Variants in ZBTB17 observed in about 807,000 individuals in gnomAD.
The protein encoded by ZBTB17 is zinc finger and BTB domain-containing protein 17.
A neutral mutation model predicts 85.1 loss-of-function variants in ZBTB17; 24 were observed. The observed-to-expected ratio is 0.28, with a 90% CI of 0.20 to 0.40. The LOEUF (loss-of-function observed/expected upper bound fraction) is 0.40, where lower values mean the gene tolerates loss of function less well. Among genes scored for constraint, ZBTB17 ranks in the 10% least tolerant of loss-of-function variants. The pLI, the probability that ZBTB17 is intolerant of heterozygous loss-of-function variation, is 1.00. For missense variants in ZBTB17, 743 were observed against 1,105.1 expected, an observed-to-expected ratio of 0.67 and a Z score of 4.65; for synonymous variants, 464 against 460.2, an observed-to-expected ratio of 1.01 and a Z score of -0.11.
chr1:15,950,127 T>TG (rs1452619041), intron 2 of ZBTB17, among the ~76,000 whole-genome samples: 2 of 152,232 alleles, frequency 1.3e-5, no homozygotes, highest in Non-Finnish European at 2.9e-5. Flanking sequence ...GGTAAGGCCC[T>TG]GGGGCAGCTG....
intron 6 of ZBTB17, 72 bp from the exon 7 acceptor site, chr1:15,945,274 A>T (rs1228227963): frequency 6.6e-7 from 1 of 1,519,756 alleles, no homozygotes; most frequent in African/African-American, 1.4e-5. Flanking sequence ...CGCCGGCAAC[A>T]TGTGGAAGGG....
intron 2 of ZBTB17, among the ~76,000 whole-genome samples, chr1:15,967,407 G>C (rs1411426360): frequency 6.6e-6 from 1 of 150,734 alleles, no homozygotes; most frequent in African/African-American, 2.4e-5. Context: ...GGCTGGGTTT[G>C]GTGGTTCAAG....
chr1:15,958,271 A>C (rs1001524726), intron 2 of ZBTB17, among the ~76,000 whole-genome samples: 12 of 152,132 alleles, frequency 7.9e-5, no homozygotes, highest in African/African-American at 2.9e-4. Context: ...TGAACTAATA[A>C]AACAAAAACA....
At position 15,971,450 on chromosome 1, in the gene ZBTB17, A is replaced by G. The variant is rs542216735; in HGVS notation, c.-3+1589T>C. Among the ~76,000 whole-genome samples the G allele has an allele frequency of 1.8e-4, 7 of 39,084 alleles. No individual in the cohort carries two copies. In the South Asian group the frequency reaches 3.8e-3, roughly 21 times the overall value. 25.6% of individuals were successfully genotyped at this position (39,084 alleles called of 152,430 possible). A position where few individuals can be genotyped will look rare whatever the true frequency, so the allele number is the denominator to read the frequency against. On this transcript the variant is annotated intron_variant, in intron 2 of 15. Coordinates refer to ENST00000375743, the MANE Select transcript of ZBTB17 (RefSeq NM_003443.3). ...ATATACACACACACTATATATATAC[A>G]CACACACTATATATACACACACACT... is the stretch of plus-strand genomic sequence containing the variant.
rs537691200 is a variant in ZBTB17 at position 15,953,661 on chromosome 1, A to C, written c.-2-5164T>G. The stretch of plus-strand genomic sequence containing the variant: ...ATACTGCTGCCTCCACGACGCAGGG[A>C]TTCCAGTGGCGGCTGAGCCCCATGG... On this transcript the variant is annotated intron_variant, in intron 2 of 15. Transcript: ENST00000375743. The surrounding 1 kb of genome is among the most constrained non-coding windows in gnomAD (Gnocchi z 5.1). Among the ~76,000 whole-genome samples, 20 of 152,322 alleles carry C rather than the reference A, an allele frequency of 1.3e-4. No individual in the cohort carries two copies. Among genetic ancestry groups the C allele is most frequent in the African/African-American group, 4.1e-4 (17 of 41,568 alleles).
Position 15,945,770 on chromosome 1 carries a change from C to G in ZBTB17, c.606G>C (p.Thr202=), listed in dbSNP as rs748380526. ...PPPVELKPDP[T]SGMAAAEAEA... ...CAGCTTCTGCAGCAGCCATGCCACT[C>G]GTGGGGTCTGGCTTGAGCTCCACAG... The change falls in exon 6 of 16, where the codon ACG becomes ACC. Residue 202 remains threonine (T), a synonymous_variant. Coordinates refer to ENST00000375743, the MANE Select transcript of ZBTB17 (RefSeq NM_003443.3). 10 of 1,606,316 alleles carry G rather than the reference C, an allele frequency of 6.2e-6. No homozygotes were observed. The highest frequency in any genetic ancestry group is 8.5e-6 in the Non-Finnish European group (10 of 1,179,824).
chr1:15,945,659 G>A (rs1300907651), intron 6 of ZBTB17, 56 bp downstream of exon 6: 2 of 1,595,856 alleles, frequency 1.3e-6, no homozygotes, highest in African/African-American at 1.3e-5. Flanking sequence ...CGCAGTGGAG[G>A]CAGGGCCCTG....
intron 3 of ZBTB17, among the ~76,000 whole-genome samples, chr1:15,947,989 A>T (rs2071682838): frequency 1.3e-5 from 2 of 152,286 alleles, no homozygotes; most frequent in South Asian, 2.1e-4. Flanking sequence ...AAGGGGCCAG[A>T]GGGCATAGAG....
chr1:15,958,277 A>C lies in ZBTB17; in HGVS notation c.-2-9780T>G, dbSNP rs548807170. Among the ~76,000 whole-genome samples, 9 of 152,246 alleles carry C rather than the reference A, an allele frequency of 5.9e-5. 1 individual carries two copies. The East Asian group carries it at 1.5e-3, about 26-fold the overall frequency. On this transcript the variant is annotated intron_variant, in intron 2 of 15. Transcript: ENST00000375743. ...GGGAAATGATGAACTAATAAAACAAAAACAAACCAGATGATCCCAAGTGAC... is the reference window on the plus strand; with the variant it reads ...GGGAAATGATGAACTAATAAAACAACAACAAACCAGATGATCCCAAGTGAC...
chr1:15,949,767 G>A (rs777790412), intron 2 of ZBTB17, among the ~76,000 whole-genome samples: 1 of 152,242 alleles, frequency 6.6e-6, no homozygotes, highest in African/African-American at 2.4e-5. Context: ...GATGAGTCCG[G>A]AGGAAGCCAC....
intron 6 of ZBTB17, 119 bp downstream of exon 6, chr1:15,945,596 T>C (rs1018268861): frequency 1.4e-6 from 2 of 1,413,976 alleles, no homozygotes; most frequent in East Asian, 2.3e-5. Flanking sequence ...CTGAAGTGCA[T>C]GGTGACTCCA....
chr1:15,945,045 G>A lies in ZBTB17; in HGVS notation c.819C>T (p.Gly273=). The part of the protein sequence containing the change: ...PEENENEESA[G]TDSGQELGSE... ...AGCCGAGCTCCTGCCCCGAGTCTGT[G>A]CCCGCTGACTCCTCATTCTCGTTCT... Residue 273 remains glycine (G), a synonymous_variant, in exon 7 of 16, where the codon GGC becomes GGT. Transcript: ENST00000375743. The A allele has an allele frequency of 6.2e-7, 1 of 1,610,266 alleles. No homozygotes were observed. The highest frequency in any genetic ancestry group is 1.3e-5 in the African/African-American group (1 of 75,020).
rs1004941055 is a variant in ZBTB17 at position 15,951,250 on chromosome 1, A to C, written c.-2-2753T>G. On this transcript the variant is annotated intron_variant, in intron 2 of 15. Transcript: ENST00000375743. The surrounding 1 kb of genome is among the most constrained non-coding windows in gnomAD (Gnocchi z 4.1). The stretch of plus-strand genomic sequence containing the variant: ...GAAGAAAACAGGAGAAATGATAAGA[A>C]GGGGGGAGGAAGAAGTGAAGATGGG... Among the ~76,000 whole-genome samples the C allele has an allele frequency of 4.1e-5, 6 of 147,438 alleles. No homozygotes were observed. The highest frequency in any genetic ancestry group is 7.4e-5 in the African/African-American group (3 of 40,486).
At chr1:15,960,424 A>G (rs938584748) in intron 2 of ZBTB17, among the ~76,000 whole-genome samples, 6 of 152,194 alleles carry the variant, frequency 3.9e-5, no homozygotes, top group Non-Finnish European at 8.8e-5. Context: ...AAAAGAAAAA[A>G]ACTATATAGA....
intron 10 of ZBTB17, 38 bp downstream of exon 10, chr1:15,943,770 C>T (rs780470621): frequency 1.9e-5 from 31 of 1,612,598 alleles, no homozygotes; most frequent in Non-Finnish European, 2.5e-5. Context: ...GGCCGAGGAG[C>T]AGGGGTGTGA....
rs1287024371 is a variant in ZBTB17, at chr1:15,952,496, TC to T, written c.-2-4000del. Among the ~76,000 whole-genome samples, 1 of 152,194 alleles carries T rather than the reference TC, an allele frequency of 6.6e-6. No homozygotes were observed. The highest frequency in any genetic ancestry group is 1.5e-5 in the Non-Finnish European group (1 of 68,012). ...CCCTCTCAGGATGGCCAGCCATTCC[TC>T]CCCTGCCAGGGCCCACCACGCCTCC... On this transcript the variant is annotated intron_variant, in intron 2 of 15. Coordinates refer to ENST00000375743, the MANE Select transcript of ZBTB17 (RefSeq NM_003443.3). This position sits in a 1 kb window ranked among gnomAD's most constrained non-coding sequence, Gnocchi z 4.3.
intron 4 of ZBTB17, 110 bp downstream of exon 4, chr1:15,946,825 C>T: frequency 5.9e-6 from 8 of 1,354,126 alleles, no homozygotes; most frequent in Non-Finnish European, 7.9e-6. Context: ...GCACCCACAA[C>T]CGAGGCAGGG....
Position 15,943,636 on chromosome 1 carries a change from G to T in ZBTB17, c.1539C>A (p.Asp513Glu). ...GGACGTGCCGCTGCAGAGCGCCGGGGTCTGCAAACTGTCGCTGGCAGTGGA... is the reference window on the plus strand; with the variant it reads ...GGACGTGCCGCTGCAGAGCGCCGGGTTCTGCAAACTGTCGCTGGCAGTGGA... ...VCIHCQRQFA[D>E]PGALQRHVRI... The change falls in exon 11 of 16, where the codon GAC becomes GAA. Residue 513 changes from aspartate (D) to glutamate (E), a missense_variant. Asp to Glu is a conservative substitution (Grantham distance 45). This residue lies in a region of ZBTB17 where 321 missense variants were observed against 615.7 expected (regional missense o/e 0.52). Transcript: ENST00000375743. The T allele has an allele frequency of 6.2e-7, 1 of 1,613,138 alleles. No homozygotes were observed. Among genetic ancestry groups the T allele is most frequent in the Non-Finnish European group, 8.5e-7 (1 of 1,179,956 alleles).
Position 15,952,637 on chromosome 1 carries a change from G to A in ZBTB17, c.-2-4140C>T, listed in dbSNP as rs184938352. Among the ~76,000 whole-genome samples, 1 of 152,352 alleles carries A rather than the reference G, an allele frequency of 6.6e-6. No individual in the cohort carries two copies. Among genetic ancestry groups the A allele is most frequent in the East Asian group, 1.9e-4 (1 of 5,186 alleles). On this transcript the variant is annotated intron_variant, in intron 2 of 15. Transcript: ENST00000375743. This position sits in a 1 kb window ranked among gnomAD's most constrained non-coding sequence, Gnocchi z 4.3. ...CCAGACCTAAACCTAAAGAAGCCTG[G>A]AAGATTCTGCTGTGGCTCCTGGGAA...
Sources: allele counts gnomAD v4.1 joint callset (sites outside exome capture counted in the v4.1 genomes callset), GRCh38; gene constraint gnomAD v4.1.1; regional missense constraint gnomAD v4.1.1; non-coding constraint Gnocchi (gnomAD v3.1); transcripts MANE v1.5; gene names NCBI Gene and HGNC (gene_info 2026-07-23, HGNC 2026-07-21).